The following WDR33 variants were observed in gnomAD, a reference collection of about 807,000 sequenced individuals.
WDR33 encodes the protein pre-mRNA 3' end processing protein WDR33.
In WDR33, 47 loss-of-function variants were observed where a neutral mutation model predicts 164.9. That is an observed-to-expected ratio of 0.29 (90% CI 0.23 to 0.36). The LOEUF is 0.36. Among genes scored for constraint, WDR33 ranks in the 10% least tolerant of loss-of-function variants. The pLI, the probability that WDR33 is intolerant of heterozygous loss-of-function variation, is 1.00. For synonymous variants in WDR33, 505 were observed against 589.0 expected (o/e 0.86, Z 2.06); for missense variants, 1,137 against 1,754.1 (o/e 0.65, Z 6.28).
chr2:127,720,036 C>G lies in WDR33; in HGVS notation c.1989G>C (p.Gln663His). Reference sequence around the variant, plus strand: ...GCATGTCCTGAGGCCGTGGCAACCCCTGGGGCGGGCCCTGGGGCCCCTGTG... The same window carrying G: ...GCATGTCCTGAGGCCGTGGCAACCCGTGGGGCGGGCCCTGGGGCCCCTGTG... ...MGPQGPQGPP[Q>H]GLPRPQDMHG... is the part of the protein sequence containing the mutation. Residue 663 changes from glutamine (Q) to histidine (H), a missense_variant, in exon 16 of 22, where the codon CAG becomes CAC. This residue lies in a region of WDR33 where 867 missense variants were observed against 1,073.0 expected (regional missense o/e 0.81). Transcript: ENST00000322313. This position sits in a 1 kb window ranked among gnomAD's most constrained non-coding sequence, Gnocchi z 5.9. 1 of 1,613,836 alleles carries G rather than the reference C, an allele frequency of 6.2e-7. No individual in the cohort carries two copies. The highest frequency in any genetic ancestry group is 8.5e-7 in the Non-Finnish European group (1 of 1,179,918).
In WDR33 at chr2:127,721,903, T is replaced by C. The variant is rs1686449052; in HGVS notation, c.1604A>G (p.Lys535Arg). 6.2e-7 allele frequency: 1 copy of C among 1,613,984 alleles called. No homozygotes were observed. Among genetic ancestry groups the C allele is most frequent in the Admixed American group, 1.7e-5 (1 of 59,972 alleles). ...TTGCTCAATTTCTGCTTGTGTTTTT[T>C]TCTTCTCTTCCAATTTAATGTCTTC... ...RKEDIKLEEK[K>R]KTQAEIEQEM... The change falls in exon 15 of 22, where the codon AAA (lysine) becomes AGA (arginine). Residue 535 changes from lysine (K) to arginine (R), a missense_variant. Lys to Arg is a conservative substitution (Grantham distance 26). Transcript: ENST00000322313. The surrounding 1 kb of genome is among the most constrained non-coding windows in gnomAD (Gnocchi z 4.9).
rs1191837081 is a variant in WDR33, at chr2:127,712,946, G to A, written c.3308+637C>T. ...ATTAAAAAATTTTTTTTGTAGAGATGGAGTTACACTATGTCGTTCAGGCTG... is the reference window on the plus strand; with the variant it reads ...ATTAAAAAATTTTTTTTGTAGAGATAGAGTTACACTATGTCGTTCAGGCTG... On this transcript the variant is annotated intron_variant, in intron 18 of 21. Transcript: ENST00000322313. The surrounding 1 kb of genome is among the most constrained non-coding windows in gnomAD (Gnocchi z 4.0). 6.6e-6 allele frequency among the ~76,000 whole-genome samples: 1 copy of A among 152,122 alleles called. No homozygotes were observed. Among genetic ancestry groups the A allele is most frequent in the African/African-American group, 2.4e-5 (1 of 41,434 alleles).
chr2:127,756,608 GGT>G (rs1208032597), intron 7 of WDR33, among the ~76,000 whole-genome samples: 1 of 151,778 alleles, frequency 6.6e-6, no homozygotes, highest in Admixed American at 6.6e-5. Flanking sequence ...AAAAGAACAG[GGT>G]AACTAATTCA....
intron 18 of WDR33, among the ~76,000 whole-genome samples, chr2:127,711,780 A>ATATATATATATATATATATATATTTT: frequency 1.1e-5 from 1 of 88,306 alleles, no homozygotes; most frequent in African/African-American, 6.5e-5. Flanking sequence ...ATATATATAT[A>ATATATATATATATATATATATATTTT]TTTTTTTTTT....
chr2:127,808,994 G>T (rs1689537546), intron 1 of WDR33, among the ~76,000 whole-genome samples: 1 of 139,582 alleles, frequency 7.2e-6, no homozygotes, highest in Admixed American at 7.8e-5. Context: ...TCGCGCCACT[G>T]CACTCCAGCC....
chr2:127,785,075 C>A (rs1688513071), intron 1 of WDR33, among the ~76,000 whole-genome samples: 1 of 152,078 alleles, frequency 6.6e-6, no homozygotes, highest in Admixed American at 6.6e-5. Flanking sequence ...AACAGGTTGC[C>A]TCCATTCATT....
rs1685917941 is a variant in WDR33 at position 127,702,461 on chromosome 2, T to G, written c.*3862A>C. On this transcript the variant is annotated 3_prime_UTR_variant, in exon 22 of 22. Coordinates refer to ENST00000322313, the MANE Select transcript of WDR33 (RefSeq NM_018383.5). ...TGTGAGACGGTTATTAGAAGTTGCT[T>G]TCGAAGTAACTGTGGTCTTAGGTTC... 4.2e-6 allele frequency: 1 copy of G among 239,332 alleles called. No individual in the cohort carries two copies. Among genetic ancestry groups the G allele is most frequent in the Non-Finnish European group, 8.6e-6 (1 of 115,978 alleles). 14.8% of individuals were successfully genotyped at this position (239,332 alleles called of 1,614,324 possible).
At position 127,701,507 on chromosome 2, in the gene WDR33, T is replaced by G. The variant is rs897357623; in HGVS notation, c.*4816A>C. 1.6e-6 allele frequency: 2 copies of G among 1,285,656 alleles called. No individual in the cohort carries two copies. Among genetic ancestry groups the G allele is most frequent in the Admixed American group, 4.0e-5 (1 of 24,834 alleles). 79.6% of individuals were successfully genotyped at this position (1,285,656 alleles called of 1,614,324 possible). A position where few individuals can be genotyped will look rare whatever the true frequency, so the allele number is the denominator to read the frequency against. On this transcript the variant is annotated 3_prime_UTR_variant, in exon 22 of 22. Coordinates refer to ENST00000322313, the MANE Select transcript of WDR33 (RefSeq NM_018383.5). ...CCGGAAGTGAGCCGCAGCTTTTCCTTTCTGCCACCGCCTTGTCCAAGATGG... is the reference window on the plus strand; with the variant it reads ...CCGGAAGTGAGCCGCAGCTTTTCCTGTCTGCCACCGCCTTGTCCAAGATGG...
In WDR33 at chr2:127,709,874, C is replaced by T. The variant is rs1558918422; in HGVS notation, c.3309-18G>A. The T allele has an allele frequency of 1.9e-6, 3 of 1,612,138 alleles. No homozygotes were observed. The highest frequency in any genetic ancestry group is 2.5e-6 in the Non-Finnish European group (3 of 1,179,252). ...TTCTGAAACTGTAAAGAGAAAACAGCAGAATGTCCATCTCAGAGAACACCT... is the reference window on the plus strand; with the variant it reads ...TTCTGAAACTGTAAAGAGAAAACAGTAGAATGTCCATCTCAGAGAACACCT... On this transcript the variant is annotated intron_variant, in intron 18 of 21. Transcript: ENST00000322313. This position sits in a 1 kb window ranked among gnomAD's most constrained non-coding sequence, Gnocchi z 5.0.
At chr2:127,782,415 A>T (rs1688405413) in intron 1 of WDR33, among the ~76,000 whole-genome samples, 1 of 152,100 alleles carries the variant, frequency 6.6e-6, no homozygotes, top group Non-Finnish European at 1.5e-5. Context: ...ATCAATTTTG[A>T]GAAAATTGAT....
intron 7 of WDR33, among the ~76,000 whole-genome samples, chr2:127,749,249 G>A (rs777969636): frequency 6.6e-6 from 1 of 152,186 alleles, no homozygotes; most frequent in Non-Finnish European, 1.5e-5. Context: ...CAGGTGGATC[G>A]CATAAGCCCA....
intron 1 of WDR33, among the ~76,000 whole-genome samples, chr2:127,785,056 C>T (rs1267001633): frequency 6.6e-6 from 1 of 152,148 alleles, no homozygotes; most frequent in East Asian, 1.9e-4. Context: ...ATACTGTTTT[C>T]CTTGAATCAA....
In WDR33 at chr2:127,713,970, C is replaced by T. The variant is rs1413201012; in HGVS notation, c.2921G>A (p.Arg974Gln). Residue 974 changes from arginine (R) to glutamine (Q), a missense_variant, in exon 18 of 22, where the codon CGG (arginine) becomes CAG (glutamine). Coordinates refer to ENST00000322313, the MANE Select transcript of WDR33 (RefSeq NM_018383.5). The surrounding 1 kb of genome is among the most constrained non-coding windows in gnomAD (Gnocchi z 6.2). ...NHHMGPMSERRHEQSGGPEHG... is the reference protein window; with the variant it reads ...NHHMGPMSERQHEQSGGPEHG... Reference sequence around the variant, plus strand: ...CTCAGGCCCGCCGCTCTGCTCATGCCGCCTCTCTGACATCGGGCCCATGTG... The same window carrying T: ...CTCAGGCCCGCCGCTCTGCTCATGCTGCCTCTCTGACATCGGGCCCATGTG... 13 of 1,560,618 alleles carry T rather than the reference C, an allele frequency of 8.3e-6. No homozygotes were observed. The highest frequency in any genetic ancestry group is 9.5e-6 in the Non-Finnish European group (11 of 1,155,212).
At position 127,719,195 on chromosome 2, in the gene WDR33, T is replaced by C; in HGVS notation, c.2760+70A>G. The C allele has an allele frequency of 1.5e-6, 2 of 1,337,656 alleles. No individual in the cohort carries two copies. Among genetic ancestry groups the C allele is most frequent in the Non-Finnish European group, 1.9e-6 (2 of 1,044,124 alleles). The allele number at this position is 1,337,656 out of a possible 1,614,324, so 82.9% of individuals were successfully genotyped here. A position where few individuals can be genotyped will look rare whatever the true frequency, so the allele number is the denominator to read the frequency against. On this transcript the variant is annotated intron_variant, in intron 16 of 21. Coordinates refer to ENST00000322313, the MANE Select transcript of WDR33 (RefSeq NM_018383.5). This position sits in a 1 kb window ranked among gnomAD's most constrained non-coding sequence, Gnocchi z 6.5. The stretch of plus-strand genomic sequence containing the variant: ...ATCCAGCTGTGACCATTTTCCACAA[T>C]ACTCAGCAGTATTACTTCTGTGCAG...
At chr2:127,746,147 T>C (rs763300287) in intron 7 of WDR33, among the ~76,000 whole-genome samples, 2 of 151,372 alleles carry the variant, frequency 1.3e-5, no homozygotes, top group Non-Finnish European at 2.9e-5. Context: ...TCTGAGATGA[T>C]AGTGGAAATA....
chr2:127,708,624 G>T lies in WDR33; in HGVS notation c.3781+53C>A, dbSNP rs1238497478. 44 of 1,511,522 alleles carry T rather than the reference G, an allele frequency of 2.9e-5. No homozygotes were observed. The Admixed American group carries it at 7.2e-4, about 25-fold the overall frequency. The allele number at this position is 1,511,522 out of a possible 1,614,324, so 93.6% of individuals were successfully genotyped here. On this transcript the variant is annotated intron_variant, in intron 21 of 21. Coordinates refer to ENST00000322313, the MANE Select transcript of WDR33 (RefSeq NM_018383.5). The surrounding 1 kb of genome is among the most constrained non-coding windows in gnomAD (Gnocchi z 6.7). ...GGCATGTGCAGCAGATACAGGCAAG[G>T]CCTCCATCGGCCCCTGCATCTCCTG...
chr2:127,715,477 A>G (rs1686277748), intron 17 of WDR33, among the ~76,000 whole-genome samples: 1 of 152,122 alleles, frequency 6.6e-6, no homozygotes. Flanking sequence ...CAGGATAAAA[A>G]TGTGCCATAA....
chr2:127,757,646 A>T (rs1687556982), intron 7 of WDR33, among the ~76,000 whole-genome samples: 1 of 152,184 alleles, frequency 6.6e-6, no homozygotes, highest in East Asian at 1.9e-4. Flanking sequence ...CTTTAAAGGA[A>T]GCTGGGTTTT....
chr2:127,739,583 T>C (rs114797027), intron 7 of WDR33, among the ~76,000 whole-genome samples: 2,309 of 152,360 alleles, frequency 0.015, 28 homozygotes, highest in Non-Finnish European at 0.023. Context: ...AACCCTTGCC[T>C]AGCCTTAATA....
Sources: allele counts gnomAD v4.1 joint callset (sites outside exome capture counted in the v4.1 genomes callset), GRCh38; gene constraint gnomAD v4.1.1; regional missense constraint gnomAD v4.1.1; non-coding constraint Gnocchi (gnomAD v3.1); transcripts MANE v1.5; gene names NCBI Gene and HGNC (gene_info 2026-07-23, HGNC 2026-07-21).